Variants in LRP1B observed in about 807,000 individuals in gnomAD.
LRP1B encodes the protein low-density lipoprotein receptor-related protein 1B.
Under a neutral mutation model 556.6 loss-of-function variants are expected in LRP1B, and 217 were observed. The observed-to-expected ratio is 0.39, with a 90% CI of 0.35 to 0.44. LRP1B has a LOEUF of 0.44. Among genes scored for constraint, LRP1B ranks in the 20% least tolerant of loss-of-function variants. LRP1B has a pLI of 1.00. For synonymous variants in LRP1B, 2,047 were observed against 1,865.8 expected, an observed-to-expected ratio of 1.10 and a Z score of -2.50; for missense variants, 5,053 against 5,620.8, an observed-to-expected ratio of 0.90 and a Z score of 3.23.
intron 7 of LRP1B, among the ~76,000 whole-genome samples, chr2:141,123,349 A>G (rs1394915879): frequency 6.6e-6 from 1 of 152,048 alleles, no homozygotes; most frequent in Admixed American, 6.6e-5. Flanking sequence ...AACTTTTACA[A>G]TACTAGATTT....
intron 3 of LRP1B, among the ~76,000 whole-genome samples, chr2:141,390,038 T>C (rs1689988475): frequency 6.6e-6 from 1 of 152,088 alleles, no homozygotes; most frequent in South Asian, 2.1e-4. Flanking sequence ...CTCAGGGGGC[T>C]GAGGCAAGAG....
chr2:140,449,057 G>T (rs1686781219), intron 63 of LRP1B, among the ~76,000 whole-genome samples: 1 of 152,014 alleles, frequency 6.6e-6, no homozygotes, highest in African/African-American at 2.4e-5. Flanking sequence ...TACTAAGTCT[G>T]TAGTTAATTT....
chr2:141,592,870 T>C (rs73965721), intron 2 of LRP1B, among the ~76,000 whole-genome samples: 3,727 of 152,260 alleles, frequency 0.024, 146 homozygotes, highest in African/African-American at 0.085. Context: ...ACTTTTTAAA[T>C]AAAGCAACTT....
intron 3 of LRP1B, among the ~76,000 whole-genome samples, chr2:141,340,060 A>G (rs1239746423): frequency 1.3e-5 from 2 of 152,190 alleles, no homozygotes; most frequent in Non-Finnish European, 2.9e-5. Flanking sequence ...TAACTCCAAT[A>G]TAAAGCTTCT....
chr2:140,462,672 A>C (rs991715570), intron 60 of LRP1B, among the ~76,000 whole-genome samples: 1 of 152,198 alleles, frequency 6.6e-6, no homozygotes, highest in Admixed American at 6.5e-5. Context: ...GGTAGTCCAC[A>C]TAAGTCAGCT....
intron 1 of LRP1B, among the ~76,000 whole-genome samples, chr2:141,844,292 C>A (rs989567132): frequency 6.6e-6 from 1 of 152,042 alleles, no homozygotes; most frequent in East Asian, 1.9e-4. Context: ...TATTTCATTG[C>A]TAATCCCATA....
At chr2:141,665,383 C>A (rs1389445996) in intron 2 of LRP1B, among the ~76,000 whole-genome samples, 1 of 152,152 alleles carries the variant, frequency 6.6e-6, no homozygotes, top group African/African-American at 2.4e-5. Context: ...AATGAGATCC[C>A]ATCTCGTGCC....
chr2:141,133,372 GT>G (rs1170511642), intron 7 of LRP1B, among the ~76,000 whole-genome samples: 42 of 143,290 alleles, frequency 2.9e-4, no homozygotes, highest in Non-Finnish European at 5.1e-4. Context: ...ACAAAACTCT[GT>G]TAAGGGAATA....
intron 57 of LRP1B, among the ~76,000 whole-genome samples, chr2:140,490,902 T>C (rs1352224466): frequency 1.3e-5 from 2 of 152,126 alleles, no homozygotes; most frequent in Admixed American, 6.6e-5. Context: ...CATTCCCATA[T>C]GTACTGCACT....
rs1360908825 is a variant in LRP1B at position 141,912,545 on chromosome 2, T to C, written c.83-102144A>G. On this transcript the variant is annotated intron_variant, in intron 1 of 90. Coordinates refer to ENST00000389484, the MANE Select transcript of LRP1B (RefSeq NM_018557.3). ...AGCTAGGAAACATCAATAGAAAAAC[T>C]ATGAGAAACTCAGGCGATGTGGGGA... 2.6e-5 allele frequency among the ~76,000 whole-genome samples: 4 copies of C among 152,062 alleles called. No individual in the cohort carries two copies. In the East Asian group the frequency reaches 5.8e-4, roughly 22 times the overall value.
At chr2:141,995,095 A>G (rs894753875) in intron 1 of LRP1B, among the ~76,000 whole-genome samples, 2 of 152,158 alleles carry the variant, frequency 1.3e-5, no homozygotes, top group African/African-American at 4.8e-5. Flanking sequence ...TTTATATAAT[A>G]ATAATAGCAT....
intron 6 of LRP1B, among the ~76,000 whole-genome samples, chr2:141,211,012 C>T (rs944139636): frequency 1.3e-5 from 2 of 151,966 alleles, no homozygotes; most frequent in Non-Finnish European, 1.5e-5. Context: ...TATTGAGAGG[C>T]AGTCTCGCTC....
At chr2:141,251,650 T>C (rs781458149) in intron 4 of LRP1B, among the ~76,000 whole-genome samples, 2 of 152,058 alleles carry the variant, frequency 1.3e-5, no homozygotes, top group Non-Finnish European at 1.5e-5. Context: ...AGTGGGACTT[T>C]AAATATGTAT....
intron 1 of LRP1B, among the ~76,000 whole-genome samples, chr2:141,837,445 T>G (rs1697322922): frequency 6.6e-6 from 1 of 152,068 alleles, no homozygotes; most frequent in Non-Finnish European, 1.5e-5. Context: ...GATGCAAATT[T>G]TGTGCCTGTA....
At chr2:141,029,275 A>G (rs1308764628) in intron 11 of LRP1B, among the ~76,000 whole-genome samples, 1 of 152,086 alleles carries the variant, frequency 6.6e-6, no homozygotes, top group Non-Finnish European at 1.5e-5. Context: ...TCATACCTAA[A>G]ATTTTCATGA....
chr2:140,555,224 GAAA>G (rs11419084), intron 43 of LRP1B, among the ~76,000 whole-genome samples: 1 of 144,798 alleles, frequency 6.9e-6, no homozygotes, highest in East Asian at 2.0e-4. Context: ...AGACGCTCAG[GAAA>G]AAAAAAAAAC....
At chr2:141,150,695 C>T (rs189378022) in intron 7 of LRP1B, among the ~76,000 whole-genome samples, 39 of 152,244 alleles carry the variant, frequency 2.6e-4, no homozygotes, top group Admixed American at 2.4e-3. Context: ...CTTGTGATTG[C>T]CAAAAGCCTT....
intron 1 of LRP1B, among the ~76,000 whole-genome samples, chr2:141,924,644 C>A (rs1211047403): frequency 6.6e-6 from 1 of 152,162 alleles, no homozygotes; most frequent in Non-Finnish European, 1.5e-5. Context: ...TGCACCTGTC[C>A]ATCTGCATGT....
At chr2:141,390,225 A>G (rs1211855663) in intron 3 of LRP1B, among the ~76,000 whole-genome samples, 1 of 152,168 alleles carries the variant, frequency 6.6e-6, no homozygotes, top group Non-Finnish European at 1.5e-5. Flanking sequence ...GAAAAATGCA[A>G]ATCAAAACTA....
Sources: gnomAD v4.1 joint callset for allele counts (sites outside exome capture counted in the v4.1 genomes callset) on GRCh38, gnomAD v4.1.1 for gene constraint, MANE v1.5 for transcripts, NCBI Gene and HGNC (gene_info 2026-07-23, HGNC 2026-07-21) for gene names.